The following ABR variants were observed in gnomAD, a reference collection of about 807,000 sequenced individuals.
ABR encodes active breakpoint cluster region-related protein.
In ABR, 35 loss-of-function variants were observed where a neutral mutation model predicts 107.2. That is an observed-to-expected ratio of 0.33 (90% CI 0.25 to 0.43). The LOEUF (loss-of-function observed/expected upper bound fraction) is 0.43. Among genes scored for constraint, ABR ranks in the 20% least tolerant of loss-of-function variants. ABR has a pLI of 1.00. For synonymous variants in ABR, 498 were observed against 462.0 expected, an observed-to-expected ratio of 1.08 and a Z score of -1.00; for missense variants, 815 against 1,115.2, an observed-to-expected ratio of 0.73 and a Z score of 3.83.
At chr17:1,217,717 C>T (rs531087361) in intron 1 of ABR, among the ~76,000 whole-genome samples, 4 of 152,196 alleles carry the variant, frequency 2.6e-5, no homozygotes, top group South Asian at 2.1e-4. Flanking sequence ...TTTTTTGAGA[C>T]GGAGTCTTGC....
At chr17:1,024,983 A>T (rs1351341780) in intron 16 of ABR, among the ~76,000 whole-genome samples, 2 of 148,004 alleles carry the variant, frequency 1.4e-5, no homozygotes, top group Admixed American at 6.8e-5. Flanking sequence ...TAGCTGGGCG[A>T]GGTGGCGGGC....
At chr17:1,206,071 G>A (rs1350932500) in intron 1 of ABR, among the ~76,000 whole-genome samples, 6 of 152,092 alleles carry the variant, frequency 3.9e-5, no homozygotes, top group Non-Finnish European at 8.8e-5. Flanking sequence ...AGCTGAGATC[G>A]CGCCACTGCC....
chr17:1,147,815 C>G (rs1458595730), intron 1 of ABR, among the ~76,000 whole-genome samples: 5 of 152,218 alleles, frequency 3.3e-5, no homozygotes, highest in African/African-American at 1.2e-4. Flanking sequence ...CTAACCCCAC[C>G]CACGCCAGCC....
At chr17:1,133,755 T>G (rs899288699) in intron 1 of ABR, among the ~76,000 whole-genome samples, 1 of 152,084 alleles carries the variant, frequency 6.6e-6, no homozygotes, top group Admixed American at 6.6e-5. Context: ...CTACCCTCGT[T>G]TTCTAGGAAG....
intron 16 of ABR, among the ~76,000 whole-genome samples, chr17:1,029,839 T>C (rs1474585061): frequency 4.0e-5 from 4 of 98,808 alleles, no homozygotes; most frequent in African/African-American, 1.2e-4. Context: ...GGACACACTG[T>C]GGCAGACGTC....
chr17:1,112,461 C>T (rs114067664), intron 2 of ABR, among the ~76,000 whole-genome samples: 2,356 of 152,280 alleles, frequency 0.015, 83 homozygotes, highest in African/African-American at 0.053. Flanking sequence ...AACCCGGTTG[C>T]AGTGGCGCAC....
chr17:1,032,399 G>A (rs1042517970), intron 16 of ABR, among the ~76,000 whole-genome samples: 7 of 152,186 alleles, frequency 4.6e-5, no homozygotes, highest in African/African-American at 1.4e-4. Context: ...AGTGGGAATC[G>A]GGTCACTGAT....
At chr17:1,123,176 G>T (rs539575205) in intron 2 of ABR, among the ~76,000 whole-genome samples, 2 of 143,716 alleles carry the variant, frequency 1.4e-5, no homozygotes, top group East Asian at 4.0e-4. Flanking sequence ...GGGCAGAAAC[G>T]CTCCCTGAGG....
At chr17:1,209,669 A>G (rs1373977542) in intron 1 of ABR, among the ~76,000 whole-genome samples, 2 of 152,072 alleles carry the variant, frequency 1.3e-5, no homozygotes, top group Non-Finnish European at 2.9e-5. Context: ...TACTCTCTGC[A>G]CCTGCTTTGA....
intron 1 of ABR, among the ~76,000 whole-genome samples, chr17:1,177,295 G>A (rs557016814): frequency 2.0e-4 from 30 of 152,298 alleles, no homozygotes; most frequent in Middle Eastern, 3.4e-3. Context: ...GAAGCCTCCT[G>A]CTACAGCTCT....
chr17:1,202,991 A>G (rs1392285311), intron 1 of ABR, among the ~76,000 whole-genome samples: 1 of 151,412 alleles, frequency 6.6e-6, no homozygotes, highest in Non-Finnish European at 1.5e-5. Context: ...AGTTCAAGCA[A>G]TTCTCCTGCC....
intron 16 of ABR, among the ~76,000 whole-genome samples, chr17:1,018,612 G>T (rs1286100328): frequency 1.3e-5 from 2 of 152,146 alleles, no homozygotes; most frequent in African/African-American, 4.8e-5. Context: ...TGGTCGGGGG[G>T]AGTGTGCAGG....
At chr17:1,220,624 C>T (rs1436034730) in intron 1 of ABR, among the ~76,000 whole-genome samples, 2 of 152,128 alleles carry the variant, frequency 1.3e-5, no homozygotes, top group African/African-American at 4.8e-5. Flanking sequence ...ACCTGGACGA[C>T]GAGTCCCTGT....
At position 1,070,078 on chromosome 17, in the gene ABR, C is replaced by G. The variant is rs1179310609; in HGVS notation, c.907G>C (p.Val303Leu). Residue 303 changes from valine (V) to leucine (L), a missense_variant, in exon 9 of 23, where the codon GTG becomes CTG. This residue lies in a region of ABR where 385 missense variants were observed against 596.9 expected (regional missense o/e 0.64). Transcript: ENST00000302538. The surrounding 1 kb of genome is among the most constrained non-coding windows in gnomAD (Gnocchi z 4.2). ...ACTTCCACCAGGAAGCCGTCCTTCACCAGCTGTCGCGTCTGAGGGAGATGG... is the reference window on the plus strand; with the variant it reads ...ACTTCCACCAGGAAGCCGTCCTTCAGCAGCTGTCGCGTCTGAGGGAGATGG... ...TTPKGETRQL[V>L]KDGFLVEVSE... The G allele has an allele frequency of 1.2e-6, 2 of 1,613,748 alleles. No homozygotes were observed. Among genetic ancestry groups the G allele is most frequent in the Non-Finnish European group, 1.7e-6 (2 of 1,179,936 alleles).
intron 16 of ABR, among the ~76,000 whole-genome samples, chr17:1,032,455 G>A (rs1204021529): frequency 1.3e-5 from 2 of 152,216 alleles, no homozygotes; most frequent in East Asian, 1.9e-4. Context: ...CGGGTCACAC[G>A]TCCAGCCAGA....
chr17:1,012,575 G>C, intron 18 of ABR, 113 bp downstream of exon 18: 1 of 789,298 alleles, frequency 1.3e-6, no homozygotes, highest in Non-Finnish European at 2.2e-6. Context: ...CGCCGAGCGG[G>C]GGGTAACTGA....
At chr17:1,077,594 G>A (rs1198933923) in intron 6 of ABR, among the ~76,000 whole-genome samples, 2 of 152,276 alleles carry the variant, frequency 1.3e-5, no homozygotes, top group Middle Eastern at 3.4e-3. Flanking sequence ...TCCTGAGAAG[G>A]TCAGGGGGCA....
intron 10 of ABR, among the ~76,000 whole-genome samples, chr17:1,064,239 C>T (rs55747044): frequency 3.3e-3 from 144 of 43,516 alleles, no homozygotes; most frequent in Middle Eastern, 0.031. Context: ...CTAGACGCTG[C>T]TGTTATGTAA....
intron 1 of ABR, among the ~76,000 whole-genome samples, chr17:1,222,083 T>TTTTTTTTTTTTG (rs1426544021): frequency 6.6e-6 from 1 of 151,180 alleles, no homozygotes. Flanking sequence ...TCTTTTTTTC[T>TTTTTTTTTTTTG]GAGACGGAGT....
Sources: allele counts gnomAD v4.1 joint callset (sites outside exome capture counted in the v4.1 genomes callset), GRCh38; gene constraint gnomAD v4.1.1; regional missense constraint gnomAD v4.1.1; non-coding constraint Gnocchi (gnomAD v3.1); transcripts MANE v1.5; gene names NCBI Gene and HGNC (gene_info 2026-07-23, HGNC 2026-07-21).